Variants in ZBTB20 observed in about 807,000 individuals in gnomAD.
The protein encoded by ZBTB20 is zinc finger and BTB domain-containing protein 20.
In ZBTB20, 9 loss-of-function variants were observed where a neutral mutation model predicts 56.9. The ratio of observed to expected loss-of-function variants is 0.16; its 90% CI spans 0.10 to 0.28. The LOEUF (loss-of-function observed/expected upper bound fraction) is 0.28. Ranked by LOEUF, ZBTB20 falls within the 10% of genes least tolerant of loss-of-function variation. ZBTB20 has a pLI of 1.00. For synonymous variants in ZBTB20, 417 were observed against 420.7 expected (o/e 0.99, Z 0.11); for missense variants, 655 against 1,003.0 (o/e 0.65, Z 4.69).
At chr3:114,737,274 T>C (rs1378975203) in intron 5 of ZBTB20, among the ~76,000 whole-genome samples, 1 of 152,208 alleles carries the variant, frequency 6.6e-6, no homozygotes, top group African/African-American at 2.4e-5. Context: ...TTTGGTTTAC[T>C]GTAAAGATGA....
intron 7 of ZBTB20, among the ~76,000 whole-genome samples, chr3:114,458,195 ATTG>A (rs2092134527): frequency 6.6e-6 from 1 of 152,198 alleles, no homozygotes; most frequent in Non-Finnish European, 1.5e-5. Flanking sequence ...AGGGTTATTA[ATTG>A]GCTTAATTCC....
intron 1 of ZBTB20, among the ~76,000 whole-genome samples, chr3:115,126,130 G>A (rs2084326378): frequency 6.6e-6 from 1 of 152,118 alleles, no homozygotes. Context: ...TGAGAAGCAA[G>A]AAAGTTCACA....
chr3:114,498,648 G>C (rs1009037379), intron 7 of ZBTB20, among the ~76,000 whole-genome samples: 17 of 152,146 alleles, frequency 1.1e-4, no homozygotes, highest in South Asian at 2.1e-4. Context: ...AAGGTCATGG[G>C]TATATGAACG....
At chr3:114,816,174 T>C (rs1195202912) in intron 4 of ZBTB20, among the ~76,000 whole-genome samples, 1 of 152,246 alleles carries the variant, frequency 6.6e-6, no homozygotes, top group Non-Finnish European at 1.5e-5. Flanking sequence ...TATATATTCA[T>C]ATAACTTCCT....
intron 6 of ZBTB20, among the ~76,000 whole-genome samples, chr3:114,512,508 C>T (rs901158038): frequency 3.3e-5 from 5 of 152,098 alleles, no homozygotes; most frequent in African/African-American, 1.2e-4. Flanking sequence ...AATATAACCA[C>T]CTGCCATGAT....
At chr3:115,107,981 T>C (rs1263873852) in intron 1 of ZBTB20, among the ~76,000 whole-genome samples, 1 of 152,156 alleles carries the variant, frequency 6.6e-6, no homozygotes, top group South Asian at 2.1e-4. Context: ...CACCAGGGCC[T>C]GTCGGCGGGT....
At chr3:114,846,623 A>C (rs950327098) in intron 4 of ZBTB20, among the ~76,000 whole-genome samples, 3 of 152,248 alleles carry the variant, frequency 2.0e-5, no homozygotes, top group Admixed American at 6.5e-5. Flanking sequence ...TGGATCCAAC[A>C]GGAGACTAGT....
chr3:115,029,889 T>C (rs1005719832), intron 2 of ZBTB20, among the ~76,000 whole-genome samples: 5 of 150,890 alleles, frequency 3.3e-5, no homozygotes, highest in African/African-American at 1.2e-4. Context: ...TGTAATATGG[T>C]TTTTAAAAAT....
At chr3:114,435,640 C>CA (rs1327212914) in intron 7 of ZBTB20, among the ~76,000 whole-genome samples, 3 of 152,142 alleles carry the variant, frequency 2.0e-5, no homozygotes, top group African/African-American at 7.2e-5. Flanking sequence ...CATTTGCCAA[C>CA]ATGTCACAGA....
At chr3:114,390,910 A>G (rs1291976136) in intron 7 of ZBTB20, among the ~76,000 whole-genome samples, 1 of 152,188 alleles carries the variant, frequency 6.6e-6, no homozygotes. Flanking sequence ...TTCCTTCTCT[A>G]GACGTCCCAT....
At chr3:114,821,853 G>T (rs780383779) in intron 4 of ZBTB20, among the ~76,000 whole-genome samples, 4 of 152,064 alleles carry the variant, frequency 2.6e-5, no homozygotes, top group Non-Finnish European at 4.4e-5. Context: ...ATGGAAAAAA[G>T]TGATGCATTC....
At chr3:114,932,030 C>G (rs1237249203) in intron 3 of ZBTB20, among the ~76,000 whole-genome samples, 1 of 152,156 alleles carries the variant, frequency 6.6e-6, no homozygotes, top group Non-Finnish European at 1.5e-5. Context: ...TTCTTCATTC[C>G]TAGACATCCT....
chr3:115,138,864 T>C (rs1340066292), intron 1 of ZBTB20, among the ~76,000 whole-genome samples: 2 of 152,056 alleles, frequency 1.3e-5, no homozygotes, highest in Non-Finnish European at 2.9e-5. Flanking sequence ...TGCTTCCCAC[T>C]AATAATTTTG....
chr3:114,375,123 A>G (rs2083458988), intron 10 of ZBTB20, among the ~76,000 whole-genome samples: 1 of 152,256 alleles, frequency 6.6e-6, no homozygotes, highest in Admixed American at 6.5e-5. Flanking sequence ...AATACACAAC[A>G]GGAGACAGAA....
chr3:115,120,327 C>T (rs1235698948), intron 1 of ZBTB20, among the ~76,000 whole-genome samples: 5 of 151,840 alleles, frequency 3.3e-5, no homozygotes, highest in Admixed American at 3.3e-4. Context: ...TGCTGTGAAC[C>T]TACAATTGCT....
chr3:114,693,861 G>C (rs1264271529), intron 5 of ZBTB20, among the ~76,000 whole-genome samples: 1 of 152,044 alleles, frequency 6.6e-6, no homozygotes, highest in Non-Finnish European at 1.5e-5. Flanking sequence ...AACTTGTGTT[G>C]AGAAGGTTAT....
intron 1 of ZBTB20, among the ~76,000 whole-genome samples, chr3:115,118,989 A>G (rs1404600043): frequency 1.3e-5 from 2 of 152,132 alleles, no homozygotes; most frequent in East Asian, 3.9e-4. Context: ...AACACATTAA[A>G]TTTCCTCAGT....
intron 6 of ZBTB20, chr3:114,624,291 G>A (rs2058514900): frequency 6.6e-6 from 1 of 150,878 alleles, no homozygotes; most frequent in South Asian, 2.1e-4. Flanking sequence ...AATCACTGGA[G>A]CCTCTTACGA....
intron 6 of ZBTB20, among the ~76,000 whole-genome samples, chr3:114,520,721 T>C (rs1425587209): frequency 6.6e-6 from 1 of 152,178 alleles, no homozygotes; most frequent in Non-Finnish European, 1.5e-5. Context: ...ATTACTTATC[T>C]CTTGACCTCT....
Sources: gnomAD v4.1 joint callset for allele counts (sites outside exome capture counted in the v4.1 genomes callset) on GRCh38, gnomAD v4.1.1 for gene constraint, MANE v1.5 for transcripts, NCBI Gene and HGNC (gene_info 2026-07-23, HGNC 2026-07-21) for gene names.